Variants in ABHD6 observed in about 807,000 individuals in gnomAD.
ABHD6 encodes abhydrolase domain containing 6, acylglycerol lipase.
In ABHD6, 33 loss-of-function variants were observed where a neutral mutation model predicts 38.8. The ratio of observed to expected loss-of-function variants is 0.85; its 90% CI spans 0.64 to 1.14. The LOEUF (loss-of-function observed/expected upper bound fraction) is 1.14. Among genes scored for constraint, ABHD6 ranks in the 50% most tolerant of loss-of-function variants. The pLI is 0.00. For synonymous variants in ABHD6, 147 were observed against 161.6 expected (o/e 0.91, Z 0.69); for missense variants, 380 against 422.6 (o/e 0.90, Z 0.88).
At chr3:58,280,928 C>T (rs2097452694) in intron 7 of ABHD6, among the ~76,000 whole-genome samples, 1 of 152,190 alleles carries the variant, frequency 6.6e-6, no homozygotes, top group South Asian at 2.1e-4. Flanking sequence ...GCGGAGTCTG[C>T]AGAACAGCAA....
chr3:58,248,464 G>A (rs963858816), intron 1 of ABHD6, among the ~76,000 whole-genome samples: 10 of 152,168 alleles, frequency 6.6e-5, no homozygotes, highest in Non-Finnish European at 2.9e-5. Context: ...TTGGAAGGCC[G>A]AGGCAGGCTG....
intron 7 of ABHD6, among the ~76,000 whole-genome samples, chr3:58,282,984 G>C (rs2107470317): frequency 6.6e-6 from 1 of 152,316 alleles, no homozygotes; most frequent in South Asian, 2.1e-4. Context: ...ATGGTGTGAA[G>C]AACCAAGAGA....
Position 58,285,101 on chromosome 3 carries a change from T to C in ABHD6, c.698T>C (p.Val233Ala). ...TATCCTTAGATCCTGCAAGGCCTTG[T>C]CGATGTCCGCATCCCTCATAACAAC... ...KVPQQILQGL[V>A]DVRIPHNNFY... is the part of the protein sequence containing the mutation. The change falls in exon 8 of 10, where the codon GTC (valine) becomes GCC (alanine). Residue 233 changes from valine to alanine, a missense_variant. By Grantham distance (64) the Val-to-Ala change is moderately conservative. Transcript: ENST00000478253. This position sits in a 1 kb window ranked among gnomAD's most constrained non-coding sequence, Gnocchi z 4.9. 6.2e-7 allele frequency: 1 copy of C among 1,614,210 alleles called. No individual in the cohort carries two copies. The highest frequency in any genetic ancestry group is 8.5e-7 in the Non-Finnish European group (1 of 1,180,034).
intron 2 of ABHD6, among the ~76,000 whole-genome samples, chr3:58,254,953 A>G (rs2097432333): frequency 6.6e-6 from 1 of 152,022 alleles, no homozygotes; most frequent in Admixed American, 6.6e-5. Context: ...CCTGGCCTCA[A>G]GTGATCCTTC....
At chr3:58,290,839 C>G (rs2097462102) in intron 9 of ABHD6, among the ~76,000 whole-genome samples, 1 of 147,702 alleles carries the variant, frequency 6.8e-6, no homozygotes. Context: ...GGAAGAGGCG[C>G]TCCTCACTTC....
chr3:58,272,299 C>T (rs565171482), intron 6 of ABHD6, among the ~76,000 whole-genome samples: 1 of 152,264 alleles, frequency 6.6e-6, no homozygotes, highest in East Asian at 1.9e-4. Context: ...GGAACAGAGC[C>T]CAGGCTGCCT....
chr3:58,274,707 G>T lies in ABHD6; in HGVS notation c.573G>T (p.Leu191=). ...AATTTGTACAACGGCTCAAAGAACT[G>T]CAGGGCTCTGCCGCCGTGGAGAAGA... ...DNQFVQRLKE[L]QGSAAVEKIP... Residue 191 remains leucine, a synonymous_variant, in exon 7 of 10, where the codon CTG becomes CTT. Coordinates refer to ENST00000478253, the MANE Select transcript of ABHD6 (RefSeq NM_001320126.2). 1 of 1,614,242 alleles carries T rather than the reference G, an allele frequency of 6.2e-7. No homozygotes were observed. Among genetic ancestry groups the T allele is most frequent in the Non-Finnish European group, 8.5e-7 (1 of 1,180,040 alleles).
At chr3:58,264,413 A>G (rs937308297) in intron 3 of ABHD6, among the ~76,000 whole-genome samples, 228 of 133,828 alleles carry the variant, frequency 1.7e-3, no homozygotes, top group African/African-American at 7.4e-3. Flanking sequence ...ACACACACAC[A>G]CACACACACA....
chr3:58,278,255 A>G (rs746334976), intron 7 of ABHD6, among the ~76,000 whole-genome samples: 23 of 152,204 alleles, frequency 1.5e-4, no homozygotes, highest in Non-Finnish European at 2.5e-4. Context: ...TTGGTAAGCC[A>G]TTAATTATTG....
chr3:58,252,129 C>T (rs1236439836), intron 2 of ABHD6, among the ~76,000 whole-genome samples: 2 of 151,636 alleles, frequency 1.3e-5, no homozygotes, highest in African/African-American at 2.4e-5. Flanking sequence ...ATCCATTGCA[C>T]GAGTTTGTCC....
At chr3:58,249,605 G>T (rs1575514368) in intron 1 of ABHD6, among the ~76,000 whole-genome samples, 1 of 152,318 alleles carries the variant, frequency 6.6e-6, no homozygotes, top group South Asian at 2.1e-4. Context: ...CTACTTACCA[G>T]ATTTCTTCTT....
chr3:58,274,468 G>A (rs1202985326), intron 6 of ABHD6, among the ~76,000 whole-genome samples, 190 bp from the exon 7 acceptor site: 1 of 152,166 alleles, frequency 6.6e-6, no homozygotes, highest in Non-Finnish European at 1.5e-5. Context: ...TATGTGGAAG[G>A]ATTTTTTTGT....
intron 1 of ABHD6, among the ~76,000 whole-genome samples, chr3:58,242,015 C>A (rs1466749897): frequency 6.6e-6 from 1 of 152,182 alleles, no homozygotes; most frequent in African/African-American, 2.4e-5. Context: ...ACTGAACTGT[C>A]AGGAGCATTT....
At chr3:58,282,238 A>C (rs2097453828) in intron 7 of ABHD6, among the ~76,000 whole-genome samples, 1 of 152,178 alleles carries the variant, frequency 6.6e-6, no homozygotes, top group South Asian at 2.1e-4. Flanking sequence ...TTCTAAGTAT[A>C]ATAGGACCAC....
Position 58,269,220 on chromosome 3 carries a change from G to T in ABHD6, c.277-101G>T. On this transcript the variant is annotated intron_variant, in intron 4 of 9. Coordinates refer to ENST00000478253, the MANE Select transcript of ABHD6 (RefSeq NM_001320126.2). This position sits in a 1 kb window ranked among gnomAD's most constrained non-coding sequence, Gnocchi z 4.4. ...TGGCCAAGACCCATACATCCCCAGGGATGGCTGTCTGGGTCACTGTACATG... is the reference window on the plus strand; with the variant it reads ...TGGCCAAGACCCATACATCCCCAGGTATGGCTGTCTGGGTCACTGTACATG... 1.3e-6 allele frequency: 1 copy of T among 767,264 alleles called. No homozygotes were observed. Among genetic ancestry groups the T allele is most frequent in the East Asian group, 2.7e-5 (1 of 36,704 alleles). The allele number at this position is 767,264 out of a possible 1,614,324, so 47.5% of individuals were successfully genotyped here.
chr3:58,287,371 T>G lies in ABHD6; in HGVS notation c.837+1918T>G, dbSNP rs559465330. Among the ~76,000 whole-genome samples, 5 of 152,124 alleles carry G rather than the reference T, an allele frequency of 3.3e-5. No individual in the cohort carries two copies. Among genetic ancestry groups the G allele is most frequent in the African/African-American group, 1.2e-4 (5 of 41,548 alleles). On this transcript the variant is annotated intron_variant, in intron 9 of 9. Coordinates refer to ENST00000478253, the MANE Select transcript of ABHD6 (RefSeq NM_001320126.2). This position sits in a 1 kb window ranked among gnomAD's most constrained non-coding sequence, Gnocchi z 4.7. ...ATTTTTAACTGGCAGGAGGTCACAC[T>G]GTGGCCACAAAGACCCACAAGTGCA...
At position 58,238,642 on chromosome 3, in the gene ABHD6, C is replaced by T; in HGVS notation, c.-91+726C>T. On this transcript the variant is annotated intron_variant, in intron 1 of 9. Coordinates refer to ENST00000478253, the MANE Select transcript of ABHD6 (RefSeq NM_001320126.2). This position sits in a 1 kb window ranked among gnomAD's most constrained non-coding sequence, Gnocchi z 6.9. ...TGCGCCCCTGAGCCCACAGCGAGGCCAGGTGACAGAGTGAGGCATGGGGGA... is the reference window on the plus strand; with the variant it reads ...TGCGCCCCTGAGCCCACAGCGAGGCTAGGTGACAGAGTGAGGCATGGGGGA... 1 of 153,994 alleles carries T rather than the reference C, an allele frequency of 6.5e-6. No individual in the cohort carries two copies. Among genetic ancestry groups the T allele is most frequent in the Non-Finnish European group, 1.4e-5 (1 of 69,408 alleles). 9.5% of individuals were successfully genotyped at this position (153,994 alleles called of 1,614,324 possible). A position where few individuals can be genotyped will look rare whatever the true frequency, so the allele number is the denominator to read the frequency against.
Position 58,285,212 on chromosome 3 carries a change from A to T in ABHD6, c.736+73A>T. Reference sequence around the variant, plus strand: ...GTGGATGGATGGCTTTTATTTCTTAAATCTCTGACACTTTGAATGTCTCTT... The same window carrying T: ...GTGGATGGATGGCTTTTATTTCTTATATCTCTGACACTTTGAATGTCTCTT... On this transcript the variant is annotated intron_variant, in intron 8 of 9. Coordinates refer to ENST00000478253, the MANE Select transcript of ABHD6 (RefSeq NM_001320126.2). This position sits in a 1 kb window ranked among gnomAD's most constrained non-coding sequence, Gnocchi z 4.9. 1 of 1,558,658 alleles carries T rather than the reference A, an allele frequency of 6.4e-7. No homozygotes were observed. Among genetic ancestry groups the T allele is most frequent in the South Asian group, 1.1e-5 (1 of 89,900 alleles).
chr3:58,260,027 C>G (rs868511391), intron 3 of ABHD6, among the ~76,000 whole-genome samples: 4 of 152,222 alleles, frequency 2.6e-5, no homozygotes, highest in African/African-American at 9.6e-5. Flanking sequence ...CCTTCACTTT[C>G]TGTTGTGGTT....
Sources: allele counts gnomAD v4.1 joint callset (sites outside exome capture counted in the v4.1 genomes callset), GRCh38; gene constraint gnomAD v4.1.1; non-coding constraint Gnocchi (gnomAD v3.1); transcripts MANE v1.5; gene names NCBI Gene and HGNC (gene_info 2026-07-23, HGNC 2026-07-21).